CDH18: variants seen among roughly 807,000 people sequenced by gnomAD.
The protein encoded by CDH18 is cadherin 18, also known as cadherin-18.
CDH18 carries 31 observed loss-of-function variants against 67.9 expected under a neutral mutation model. The observed-to-expected ratio is 0.46, with a 90% CI of 0.34 to 0.62. CDH18 has a LOEUF of 0.62. Ranked by LOEUF, CDH18 falls within the 20% of genes least tolerant of loss-of-function variation. CDH18 has a pLI of 0.01. For synonymous variants in CDH18, 362 were observed against 347.2 expected, an observed-to-expected ratio of 1.04 and a Z score of -0.48; for missense variants, 890 against 975.5, an observed-to-expected ratio of 0.91 and a Z score of 1.17.
intron 1 of CDH18, among the ~76,000 whole-genome samples, chr5:20,405,683 A>C (rs1746182593): frequency 6.6e-6 from 1 of 152,086 alleles, no homozygotes; most frequent in South Asian, 2.1e-4. Flanking sequence ...TTTGCAATCT[A>C]CTCATCTGAC....
intron 5 of CDH18, among the ~76,000 whole-genome samples, chr5:19,714,438 T>C (rs964695259): frequency 6.6e-6 from 1 of 152,048 alleles, no homozygotes. Flanking sequence ...TTTTTTCTTG[T>C]GTTGTTGTCC....
chr5:20,145,849 A>C (rs989366264), intron 2 of CDH18, among the ~76,000 whole-genome samples: 8 of 152,160 alleles, frequency 5.3e-5, no homozygotes, highest in African/African-American at 1.4e-4. Flanking sequence ...ATATTTTAGA[A>C]TATAACTACA....
intron 1 of CDH18, among the ~76,000 whole-genome samples, chr5:20,296,308 C>A (rs1176493716): frequency 6.6e-6 from 1 of 151,186 alleles, no homozygotes; most frequent in Non-Finnish European, 1.5e-5. Context: ...GGCTGGAGTG[C>A]AGTGGCGCCA....
At chr5:19,493,547 TGTG>T (rs1741821581) in intron 11 of CDH18, among the ~76,000 whole-genome samples, 1 of 151,662 alleles carries the variant, frequency 6.6e-6, no homozygotes, top group Admixed American at 6.6e-5. Flanking sequence ...GGTGTGTGTG[TGTG>T]TGTGTGTGTG....
intron 5 of CDH18, among the ~76,000 whole-genome samples, chr5:19,647,527 C>CAA (rs3062888): frequency 0.089 from 2,567 of 28,804 alleles, 689 homozygotes; most frequent in East Asian, 0.16. Context: ...GAGACTCCAT[C>CAA]AAAAAAAAAA....
At chr5:20,082,126 G>A (rs1160853891) in intron 2 of CDH18, among the ~76,000 whole-genome samples, 2 of 150,882 alleles carry the variant, frequency 1.3e-5, no homozygotes, top group East Asian at 1.9e-4. Flanking sequence ...TTCTCCAACC[G>A]ATGCATTCAA....
At chr5:20,069,651 T>C (rs1370545665) in intron 2 of CDH18, among the ~76,000 whole-genome samples, 1 of 152,102 alleles carries the variant, frequency 6.6e-6, no homozygotes, top group African/African-American at 2.4e-5. Context: ...GACCTCATGA[T>C]CTGCCCACCT....
intron 2 of CDH18, among the ~76,000 whole-genome samples, chr5:20,047,016 A>G (rs975285420): frequency 3.3e-5 from 5 of 151,850 alleles, no homozygotes; most frequent in Admixed American, 2.0e-4. Context: ...CAAAAAAAAC[A>G]AAAAGAAAGA....
intron 1 of CDH18, among the ~76,000 whole-genome samples, chr5:20,407,514 G>A (rs1204480098): frequency 5.6e-5 from 7 of 125,300 alleles, no homozygotes; most frequent in African/African-American, 8.7e-5. Flanking sequence ...AAAAAAACTC[G>A]TAGAAGTTCT....
Position 19,546,860 on chromosome 5 carries a change from C to T in CDH18, c.1254-2855G>A, listed in dbSNP as rs142966837. 9.9e-3 allele frequency among the ~76,000 whole-genome samples: 1,500 copies of T among 152,120 alleles called. 10 individuals carry two copies. Among genetic ancestry groups the T allele is most frequent in the Non-Finnish European group, 0.017 (1,146 of 67,966 alleles). On this transcript the variant is annotated intron_variant, in intron 8 of 12. Transcript: ENST00000382275. Reference sequence around the variant, plus strand: ...AAGAGACAGATTGTATCACTTGGAACGGTGTGATCAAAACAAGGAACTGAC... The same window carrying T: ...AAGAGACAGATTGTATCACTTGGAATGGTGTGATCAAAACAAGGAACTGAC...
intron 1 of CDH18, among the ~76,000 whole-genome samples, chr5:20,487,331 T>C (rs1753260705): frequency 6.7e-6 from 1 of 150,270 alleles, no homozygotes; most frequent in South Asian, 2.1e-4. Flanking sequence ...GATACATATA[T>C]ATAAACCTAT....
In CDH18 at chr5:20,066,912, T is replaced by C. The variant is rs569148913; in HGVS notation, c.-517-74898A>G. Reference sequence around the variant, plus strand: ...CCTTAGAAAATGGGCTAAATTTATATTGAGAAGCTCCTCTAGTAACATGTA... The same window carrying C: ...CCTTAGAAAATGGGCTAAATTTATACTGAGAAGCTCCTCTAGTAACATGTA... On this transcript the variant is annotated intron_variant, in intron 2 of 14. Transcript: ENST00000507958. 2.6e-5 allele frequency among the ~76,000 whole-genome samples: 4 copies of C among 152,096 alleles called. No individual in the cohort carries two copies. The East Asian group carries it at 5.8e-4, about 22-fold the overall frequency.
intron 1 of CDH18, among the ~76,000 whole-genome samples, chr5:20,480,072 T>C (rs1344905763): frequency 6.6e-6 from 1 of 152,148 alleles, no homozygotes; most frequent in Non-Finnish European, 1.5e-5. Flanking sequence ...ATAAAGACTT[T>C]ATCAGACAAA....
At chr5:20,307,061 G>A (rs962691417) in intron 1 of CDH18, among the ~76,000 whole-genome samples, 3 of 152,040 alleles carry the variant, frequency 2.0e-5, no homozygotes, top group African/African-American at 7.2e-5. Flanking sequence ...TGACAGTCTC[G>A]GAAATGAGGG....
At chr5:19,807,250 G>T (rs1309568635) in intron 3 of CDH18, among the ~76,000 whole-genome samples, 1 of 151,910 alleles carries the variant, frequency 6.6e-6, no homozygotes, top group East Asian at 1.9e-4. Flanking sequence ...TGGGTTGAGA[G>T]GTGCAGTAAA....
chr5:20,193,291 G>C (rs762846837), intron 2 of CDH18, among the ~76,000 whole-genome samples: 25 of 152,048 alleles, frequency 1.6e-4, no homozygotes, highest in Non-Finnish European at 3.4e-4. Flanking sequence ...ACTACCATGA[G>C]AGAATACCAT....
intron 3 of CDH18, among the ~76,000 whole-genome samples, chr5:19,817,556 G>A (rs1779423698): frequency 6.6e-6 from 1 of 152,048 alleles, no homozygotes. Flanking sequence ...ATCAATAAAA[G>A]TACTGATTAA....
intron 3 of CDH18, among the ~76,000 whole-genome samples, chr5:19,781,722 A>G (rs556287474): frequency 6.6e-6 from 1 of 152,320 alleles, no homozygotes; most frequent in African/African-American, 2.4e-5. Flanking sequence ...AACACTCACA[A>G]TAGTCTGAGT....
rs184585882 is a variant in CDH18, at chr5:19,471,874, G to A, written c.*1352C>T. ...AATGAAACTAGAAAATTAGATAAGC[G>A]TCTGCAAGCTTTTATGCAATTGAAT... is the stretch of plus-strand genomic sequence containing the variant. On this transcript the variant is annotated 3_prime_UTR_variant, in exon 13 of 13. Transcript: ENST00000382275. Among the ~76,000 whole-genome samples, 521 of 152,162 alleles carry A rather than the reference G, an allele frequency of 3.4e-3. No homozygotes were observed. The highest frequency in any genetic ancestry group is 0.017 in the Middle Eastern group (5 of 294).
Sources: gnomAD v4.1 joint callset for allele counts (sites outside exome capture counted in the v4.1 genomes callset) on GRCh38, gnomAD v4.1.1 for gene constraint, MANE v1.5 for transcripts, NCBI Gene and HGNC (gene_info 2026-07-23, HGNC 2026-07-21) for gene names.